Variants in PCSK5 observed in about 807,000 individuals in gnomAD.
PCSK5 encodes prohormone convertase 5.
Under a neutral mutation model 233.2 loss-of-function variants are expected in PCSK5, and 129 were observed. That is an observed-to-expected ratio of 0.55 (90% confidence interval 0.48 to 0.64). The LOEUF is 0.64. Among genes scored for constraint, PCSK5 ranks in the 30% least tolerant of loss-of-function variants. The pLI is 0.00. For synonymous variants in PCSK5, 825 were observed against 879.2 expected (o/e 0.94, Z 1.09); for missense variants, 2,076 against 2,430.1 (o/e 0.85, Z 3.06).
chr9:76,210,104 G>A (rs143770199), intron 20 of PCSK5, among the ~76,000 whole-genome samples: 65 of 152,270 alleles, frequency 4.3e-4, no homozygotes, highest in African/African-American at 1.4e-3. Flanking sequence ...CTGACCTTGA[G>A]ACAAAGATTC....
At chr9:76,356,346 CT>C (rs1830302947) in intron 37 of PCSK5, among the ~76,000 whole-genome samples, 2 of 152,330 alleles carry the variant, frequency 1.3e-5, no homozygotes, top group Admixed American at 1.3e-4. Flanking sequence ...TTACCTGATC[CT>C]TCTTTACAGA....
rs894629697 is a variant in PCSK5, at chr9:76,360,777, T to C, written c.*1855T>C. On this transcript the variant is annotated 3_prime_UTR_variant, in exon 38 of 38. Coordinates refer to ENST00000674117, the MANE Select transcript of PCSK5 (RefSeq NM_001372043.1). ...ATGCAGCTGGTACATAACGGATGGG[T>C]GAGCTGTGCTTCAATAAAACCTTAT... 2 of 152,232 alleles carry C rather than the reference T, an allele frequency of 1.3e-5. No individual in the cohort carries two copies. Among genetic ancestry groups the C allele is most frequent in the Admixed American group, 6.5e-5 (1 of 15,282 alleles). The allele number at this position is 152,232 out of a possible 1,614,324, so 9.4% of individuals were successfully genotyped here.
At chr9:76,186,349 G>A (rs919215093) in intron 17 of PCSK5, among the ~76,000 whole-genome samples, 1 of 151,880 alleles carries the variant, frequency 6.6e-6, no homozygotes, top group African/African-American at 2.4e-5. Flanking sequence ...GCCAGTAATG[G>A]AATCAAGTGC....
At chr9:76,243,305 G>T (rs1826485634) in intron 24 of PCSK5, among the ~76,000 whole-genome samples, 1 of 152,146 alleles carries the variant, frequency 6.6e-6, no homozygotes, top group African/African-American at 2.4e-5. Context: ...AAGGTGATAT[G>T]GCTGTGATCC....
At chr9:76,143,298 T>C (rs976287956) in intron 10 of PCSK5, among the ~76,000 whole-genome samples, 6 of 152,046 alleles carry the variant, frequency 3.9e-5, no homozygotes, top group African/African-American at 1.4e-4. Context: ...TATGGTGTGA[T>C]GAGGAAAGTA....
chr9:76,222,796 T>A (rs928130980), intron 20 of PCSK5, among the ~76,000 whole-genome samples: 6 of 152,200 alleles, frequency 3.9e-5, no homozygotes, highest in Non-Finnish European at 1.5e-5. Context: ...GAAAAACAAC[T>A]GATTTCATTA....
At position 76,173,495 on chromosome 9, in the gene PCSK5, CCTTTTTTTT is replaced by C. The variant is rs1281507184; in HGVS notation, c.1757-1490_1757-1482del. Among the ~76,000 whole-genome samples the C allele has an allele frequency of 1.4e-4, 5 of 34,582 alleles. 1 individual carries two copies. Among genetic ancestry groups the C allele is most frequent in the Admixed American group, 1.2e-3 (4 of 3,202 alleles). 22.7% of individuals were successfully genotyped at this position (34,582 alleles called of 152,430 possible). A position where few individuals can be genotyped will look rare whatever the true frequency, so the allele number is the denominator to read the frequency against. On this transcript the variant is annotated intron_variant, in intron 13 of 37. Transcript: ENST00000674117. ...ACTTTAATGAAATGGAGGCACGTTT[CCTTTTTTTT>C]TTTTTTTTTTTTTTTTTTTTTTTTT...
At chr9:75,938,528 G>A (rs1327822245) in intron 2 of PCSK5, among the ~76,000 whole-genome samples, 1 of 152,196 alleles carries the variant, frequency 6.6e-6, no homozygotes, top group Non-Finnish European at 1.5e-5. Flanking sequence ...CACGAAGTGA[G>A]CACACGCTGT....
chr9:76,047,660 C>T (rs1226470637), intron 5 of PCSK5, among the ~76,000 whole-genome samples: 1 of 151,968 alleles, frequency 6.6e-6, no homozygotes, highest in East Asian at 1.9e-4. Flanking sequence ...TACAACTTGC[C>T]CAATTTGGAG....
intron 5 of PCSK5, among the ~76,000 whole-genome samples, chr9:76,041,394 C>T (rs6560489): frequency 0.38 from 57,681 of 151,974 alleles, 11,765 homozygotes; most frequent in African/African-American, 0.52. Context: ...TTAGTGAGCT[C>T]CTTGCAAGCT....
At chr9:76,010,176 G>A (rs1827671884) in intron 3 of PCSK5, among the ~76,000 whole-genome samples, 1 of 152,176 alleles carries the variant, frequency 6.6e-6, no homozygotes, top group Non-Finnish European at 1.5e-5. Flanking sequence ...AGAGGACAAA[G>A]GGCCAACAGC....
chr9:76,222,508 C>G (rs1303004506), intron 20 of PCSK5, among the ~76,000 whole-genome samples: 6 of 152,280 alleles, frequency 3.9e-5, no homozygotes, highest in African/African-American at 1.4e-4. Flanking sequence ...CCCTTTCCCC[C>G]TACCCTTAGG....
chr9:76,249,308 G>A (rs888279322), intron 24 of PCSK5, among the ~76,000 whole-genome samples: 3 of 152,040 alleles, frequency 2.0e-5, no homozygotes, highest in Non-Finnish European at 2.9e-5. Context: ...AAGAAAAATC[G>A]TATTTAGCCT....
intron 7 of PCSK5, among the ~76,000 whole-genome samples, chr9:76,083,154 A>G (rs980411611): frequency 1.4e-5 from 2 of 143,456 alleles, no homozygotes; most frequent in Non-Finnish European, 1.5e-5. Flanking sequence ...TGTTGCAGTG[A>G]GCTGAAATTG....
chr9:76,130,526 G>T (rs575265460), intron 9 of PCSK5, among the ~76,000 whole-genome samples: 1 of 152,140 alleles, frequency 6.6e-6, no homozygotes, highest in African/African-American at 2.4e-5. Context: ...ACAGGAATAA[G>T]AATGTTACCC....
chr9:76,278,142 G>T (rs7861583), intron 24 of PCSK5, among the ~76,000 whole-genome samples: 2 of 152,284 alleles, frequency 1.3e-5, no homozygotes, highest in East Asian at 3.9e-4. Flanking sequence ...ATAGAGACTT[G>T]TTTAAGAATG....
chr9:76,090,488 C>T (rs1465147778), intron 7 of PCSK5, among the ~76,000 whole-genome samples: 1 of 152,128 alleles, frequency 6.6e-6, no homozygotes, highest in Non-Finnish European at 1.5e-5. Context: ...CAATCATAAA[C>T]CATACTCGCA....
intron 9 of PCSK5, among the ~76,000 whole-genome samples, chr9:76,124,745 CA>C (rs58659276): frequency 0.077 from 7,063 of 91,996 alleles, 203 homozygotes; most frequent in East Asian, 0.19. Flanking sequence ...GACTCCATCT[CA>C]AAAAAAAAAA....
At chr9:75,973,745 C>T (rs1449490607) in intron 2 of PCSK5, among the ~76,000 whole-genome samples, 1 of 152,164 alleles carries the variant, frequency 6.6e-6, no homozygotes, top group African/African-American at 2.4e-5. Context: ...ATTTGACAGC[C>T]CTTCCTCAAG....
Sources: allele counts gnomAD v4.1 joint callset (sites outside exome capture counted in the v4.1 genomes callset), GRCh38; gene constraint gnomAD v4.1.1; transcripts MANE v1.5; gene names NCBI Gene and HGNC (gene_info 2026-07-23, HGNC 2026-07-21).